SRBD1: variants seen among roughly 807,000 people sequenced by gnomAD.
The protein encoded by SRBD1 is S1 RNA binding domain 1, also known as S1 RNA-binding domain-containing protein 1.
SRBD1 carries 88 observed loss-of-function variants against 115.3 expected under a neutral mutation model. That is an observed-to-expected ratio of 0.76 (90% CI 0.64 to 0.91). The LOEUF (loss-of-function observed/expected upper bound fraction) is 0.91, where lower values mean the gene tolerates loss of function less well. Ranked by LOEUF, SRBD1 falls within the 40% of genes least tolerant of loss-of-function variation. SRBD1 has a pLI of 0.00. For missense variants in SRBD1, 1,385 were observed against 1,177.4 expected, an observed-to-expected ratio of 1.18 and a Z score of -2.58; for synonymous variants, 509 against 407.7, an observed-to-expected ratio of 1.25 and a Z score of -2.99.
At chr2:45,535,271 T>C (rs1425403397) in intron 14 of SRBD1, among the ~76,000 whole-genome samples, 2 of 152,026 alleles carry the variant, frequency 1.3e-5, no homozygotes, top group African/African-American at 2.4e-5. Context: ...TAAGAGACTA[T>C]CAATAGCTGT....
chr2:45,502,623 T>C (rs371339844), intron 14 of SRBD1, among the ~76,000 whole-genome samples: 20 of 151,594 alleles, frequency 1.3e-4, no homozygotes, highest in South Asian at 1.3e-3. Flanking sequence ...TAGGTGGGAA[T>C]TGAACAATGA....
chr2:45,577,699 T>C (rs921891245), intron 7 of SRBD1, among the ~76,000 whole-genome samples: 1 of 152,098 alleles, frequency 6.6e-6, no homozygotes, highest in African/African-American at 2.4e-5. Context: ...TAAATATTTC[T>C]TTCAGGAATG....
chr2:45,520,551 T>A (rs1403022669), intron 14 of SRBD1, among the ~76,000 whole-genome samples: 1 of 152,240 alleles, frequency 6.6e-6, no homozygotes. Context: ...CAGGCATTCT[T>A]GTTTTCGTGC....
intron 16 of SRBD1, among the ~76,000 whole-genome samples, chr2:45,448,261 C>T (rs541545091): frequency 5.3e-5 from 8 of 152,024 alleles, no homozygotes; most frequent in South Asian, 4.1e-4. Context: ...GTTTTATCTA[C>T]GAAATGGGGA....
chr2:45,411,159 TTAAC>T (rs1667590585), intron 19 of SRBD1, among the ~76,000 whole-genome samples: 1 of 152,094 alleles, frequency 6.6e-6, no homozygotes, highest in Admixed American at 6.6e-5. Flanking sequence ...GTGTCAGAAA[TTAAC>T]TAAATTAGAG....
At chr2:45,491,680 G>T (rs1428890071) in intron 14 of SRBD1, among the ~76,000 whole-genome samples, 137 of 152,102 alleles carry the variant, frequency 9.0e-4, no homozygotes, top group Non-Finnish European at 5.9e-5. Context: ...TTTTATTTAA[G>T]CACTATTTTT....
rs1218471873 is a variant in SRBD1, at chr2:45,393,196, G to C, written c.2514-67C>G. The C allele has an allele frequency of 1.2e-5, 18 of 1,446,146 alleles. 1 individual carries two copies. Among genetic ancestry groups the C allele is most frequent in the Non-Finnish European group, 1.4e-5 (15 of 1,094,166 alleles). 89.6% of individuals were successfully genotyped at this position (1,446,146 alleles called of 1,614,324 possible). On this transcript the variant is annotated intron_variant, in intron 19 of 20. Transcript: ENST00000263736. ...ACTCCTTTTGCAATCTCCTTATACA[G>C]ATCACCCTAAAATTCATTCATCTTA... is the stretch of plus-strand genomic sequence containing the variant.
intron 16 of SRBD1, among the ~76,000 whole-genome samples, chr2:45,420,711 T>C (rs763484656): frequency 2.6e-4 from 40 of 152,216 alleles, no homozygotes; most frequent in Admixed American, 1.3e-4. Flanking sequence ...AGGTTTTCCA[T>C]GCAGTATTGT....
At chr2:45,419,986 C>A (rs1336416853) in intron 16 of SRBD1, 92 bp from the exon 17 acceptor site, 5 of 1,121,512 alleles carry the variant, frequency 4.5e-6, no homozygotes, top group Non-Finnish European at 6.6e-6. Flanking sequence ...GGTTAGCTAA[C>A]ACACACCATG....
At chr2:45,544,504 C>T (rs554531366) in intron 14 of SRBD1, among the ~76,000 whole-genome samples, 2 of 152,264 alleles carry the variant, frequency 1.3e-5, no homozygotes, top group Admixed American at 6.5e-5. Flanking sequence ...AGCCCACATA[C>T]TTCACTTCAT....
chr2:45,480,504 G>A (rs1471593314), intron 15 of SRBD1, among the ~76,000 whole-genome samples: 1 of 152,158 alleles, frequency 6.6e-6, no homozygotes, highest in East Asian at 1.9e-4. Context: ...GTGGAAATAG[G>A]AAGAAAACTA....
At chr2:45,485,970 T>A (rs1670107512) in intron 15 of SRBD1, among the ~76,000 whole-genome samples, 1 of 152,192 alleles carries the variant, frequency 6.6e-6, no homozygotes, top group Non-Finnish European at 1.5e-5. Context: ...AACATGGTCA[T>A]TGCCACATAG....
At chr2:45,518,018 TA>T (rs990110335) in intron 14 of SRBD1, among the ~76,000 whole-genome samples, 25 of 152,064 alleles carry the variant, frequency 1.6e-4, no homozygotes, top group Admixed American at 7.2e-4. Flanking sequence ...ATGATGATGA[TA>T]ATTCAAAAGC....
At chr2:45,414,199 TAGG>T (rs1363905542) in intron 18 of SRBD1, among the ~76,000 whole-genome samples, 1 of 152,058 alleles carries the variant, frequency 6.6e-6, no homozygotes, top group Non-Finnish European at 1.5e-5. Flanking sequence ...AGCATTCAAG[TAGG>T]AGGGCAAATT....
At chr2:45,608,218 T>C (rs1176783693) in intron 1 of SRBD1, among the ~76,000 whole-genome samples, 1 of 152,214 alleles carries the variant, frequency 6.6e-6, no homozygotes, top group Non-Finnish European at 1.5e-5. Context: ...ACTGCCTCTT[T>C]ATAAGGCACC....
rs370422515 is a variant in SRBD1, at chr2:45,426,016, G to GAT, written c.2050-6123_2050-6122insAT. Among the ~76,000 whole-genome samples the GAT allele has an allele frequency of 6.8e-3, 1,036 of 152,228 alleles. 15 individuals are homozygous for GAT. The highest frequency in any genetic ancestry group is 0.024 in the African/African-American group (979 of 41,518). Reference sequence around the variant, plus strand: ...TGAGACAGAACCATTCACTCTCCTGGAAAGGGGGCTGGAGCCAGGGAGCCA... The same window carrying GAT: ...TGAGACAGAACCATTCACTCTCCTGGATAAAGGGGGCTGGAGCCAGGGAGCCA... On this transcript the variant is annotated intron_variant, in intron 16 of 20. Coordinates refer to ENST00000263736, the MANE Select transcript of SRBD1 (RefSeq NM_018079.5).
At chr2:45,389,666 A>G in intron 20 of SRBD1, 67 bp from the exon 21 acceptor site, 3 of 1,455,914 alleles carry the variant, frequency 2.1e-6, no homozygotes, top group Non-Finnish European at 1.9e-6. Flanking sequence ...AACTTTGTGA[A>G]TAAGTACTTA....
chr2:45,605,472 A>T (rs779741582), intron 1 of SRBD1, 31 bp from the exon 2 acceptor site: 1 of 1,584,962 alleles, frequency 6.3e-7, no homozygotes, highest in Non-Finnish European at 8.7e-7. Flanking sequence ...AATCAGCAAC[A>T]CTTGAATATT....
intron 14 of SRBD1, among the ~76,000 whole-genome samples, chr2:45,520,419 G>A (rs1351002009): frequency 6.6e-6 from 1 of 152,214 alleles, no homozygotes; most frequent in Non-Finnish European, 1.5e-5. Context: ...CATTTCTGGT[G>A]ACAGTTACAA....
Sources: allele counts gnomAD v4.1 joint callset (sites outside exome capture counted in the v4.1 genomes callset), GRCh38; gene constraint gnomAD v4.1.1; transcripts MANE v1.5; gene names NCBI Gene and HGNC (gene_info 2026-07-23, HGNC 2026-07-21).